LRRN1: variants seen among roughly 807,000 people sequenced by gnomAD.
The protein encoded by LRRN1 is leucine rich repeat neuronal 1, also known as leucine-rich repeat neuronal protein 1.
LRRN1 carries 14 observed loss-of-function variants against 45.8 expected under a neutral mutation model. The ratio of observed to expected loss-of-function variants is 0.31; its 90% CI spans 0.20 to 0.48. The LOEUF is 0.48. LRRN1 is among the 20% of genes least tolerant of loss of function. The pLI is 0.99. For synonymous variants in LRRN1, 359 were observed against 330.1 expected (o/e 1.09, Z -0.95); for missense variants, 789 against 874.2 (o/e 0.90, Z 1.23).
At chr3:3,813,324 A>T (rs1692919669) in intron 1 of LRRN1, among the ~76,000 whole-genome samples, 2 of 152,208 alleles carry the variant, frequency 1.3e-5, no homozygotes, top group Admixed American at 1.3e-4. Flanking sequence ...ATTATGGTTC[A>T]TAATATTAGA....
intron 1 of LRRN1, among the ~76,000 whole-genome samples, chr3:3,820,055 G>T (rs759161971): frequency 3.0e-5 from 3 of 98,796 alleles, no homozygotes; most frequent in Non-Finnish European, 1.9e-5. Flanking sequence ...ATTCTCTTTT[G>T]TTGTTGTTGT....
Position 3,847,987 on chromosome 3 carries a change from A to G in LRRN1, c.*1195A>G, listed in dbSNP as rs930046644. 3.3e-5 allele frequency among the ~76,000 whole-genome samples: 5 copies of G among 152,156 alleles called. No individual in the cohort carries two copies. The highest frequency in any genetic ancestry group is 1.2e-4 in the African/African-American group (5 of 41,428). On this transcript the variant is annotated 3_prime_UTR_variant, in exon 2 of 2. Coordinates refer to ENST00000319331, the MANE Select transcript of LRRN1 (RefSeq NM_020873.7). ...AACCTGTCACACACAATGCGTGTGT[A>G]TATATATATGAATATATTGGATATG...
intron 1 of LRRN1, among the ~76,000 whole-genome samples, chr3:3,826,750 GAGTC>G (rs1693225271): frequency 6.6e-6 from 1 of 152,098 alleles, no homozygotes; most frequent in Non-Finnish European, 1.5e-5. Context: ...AGAAATCTAA[GAGTC>G]AGAAAGGGTC....
intron 1 of LRRN1, among the ~76,000 whole-genome samples, chr3:3,813,661 A>G (rs539551608): frequency 7.2e-5 from 11 of 152,244 alleles, no homozygotes; most frequent in Admixed American, 2.6e-4. Context: ...CTCCAGTCCT[A>G]TATTTCCAAA....
chr3:3,819,025 A>G (rs1693046426), intron 1 of LRRN1, among the ~76,000 whole-genome samples: 1 of 151,726 alleles, frequency 6.6e-6, no homozygotes, highest in Admixed American at 6.6e-5. Flanking sequence ...CAAGAGTCTC[A>G]CTCTTTCACC....
intron 1 of LRRN1, among the ~76,000 whole-genome samples, chr3:3,806,689 A>C (rs754185431): frequency 2.0e-5 from 3 of 152,202 alleles, no homozygotes; most frequent in Non-Finnish European, 4.4e-5. Context: ...ACTGCCTCAT[A>C]TTTTAGAGCT....
Position 3,846,691 on chromosome 3 carries a change from C to G in LRRN1, c.2050C>G (p.Leu684Val). 3 of 1,613,992 alleles carry G rather than the reference C, an allele frequency of 1.9e-6. No individual in the cohort carries two copies. The highest frequency in any genetic ancestry group is 2.5e-6 in the Non-Finnish European group (3 of 1,180,006). The change falls in exon 2 of 2, where the codon CTC becomes GTC. Residue 684 changes from leucine to valine, a missense_variant. Coordinates refer to ENST00000319331, the MANE Select transcript of LRRN1 (RefSeq NM_020873.7). This position sits in a 1 kb window ranked among gnomAD's most constrained non-coding sequence, Gnocchi z 5.7. ...CCCACTAAATGAGCTGTACCCACCA[C>G]TCATTAACCTCTGGGAAGGTGACAG... The part of the protein sequence containing the change: ...SIPLNELYPP[L>V]INLWEGDSEK...
At position 3,847,084 on chromosome 3, in the gene LRRN1, G is replaced by C. The variant is rs1370033344; in HGVS notation, c.*292G>C. 4.7e-6 allele frequency: 1 copy of C among 214,966 alleles called. No individual in the cohort carries two copies. Among genetic ancestry groups the C allele is most frequent in the African/African-American group, 2.3e-5 (1 of 42,804 alleles). The allele number at this position is 214,966 out of a possible 1,614,324, so 13.3% of individuals were successfully genotyped here. Reference sequence around the variant, plus strand: ...TTGTTGTGCTAAACTCAATAATGCTGTTCTAACTACAGTGCTCAATAAAAT... The same window carrying C: ...TTGTTGTGCTAAACTCAATAATGCTCTTCTAACTACAGTGCTCAATAAAAT... On this transcript the variant is annotated 3_prime_UTR_variant, in exon 2 of 2. Transcript: ENST00000319331.
intron 1 of LRRN1, among the ~76,000 whole-genome samples, chr3:3,834,443 T>A (rs1250844552): frequency 1.4e-5 from 2 of 144,738 alleles, no homozygotes; most frequent in Non-Finnish European, 3.0e-5. Flanking sequence ...ATGAAAGAAC[T>A]CCATCCTTTA....
chr3:3,821,662 G>C (rs2106458643), intron 1 of LRRN1, among the ~76,000 whole-genome samples: 1 of 152,274 alleles, frequency 6.6e-6, no homozygotes, highest in Non-Finnish European at 1.5e-5. Flanking sequence ...TCAGAGTCTA[G>C]AGAAAAGGAT....
intron 1 of LRRN1, among the ~76,000 whole-genome samples, chr3:3,821,154 A>T (rs1422941561): frequency 6.6e-6 from 1 of 152,214 alleles, no homozygotes; most frequent in Non-Finnish European, 1.5e-5. Flanking sequence ...CAGATTCATG[A>T]ACAACTAAGT....
Position 3,846,328 on chromosome 3 carries a change from A to C in LRRN1, c.1687A>C (p.Ile563Leu). The change falls in exon 2 of 2, where the codon ATT (isoleucine) becomes CTT (leucine). Residue 563 changes from isoleucine (I) to leucine (L), a missense_variant. Coordinates refer to ENST00000319331, the MANE Select transcript of LRRN1 (RefSeq NM_020873.7). This position sits in a 1 kb window ranked among gnomAD's most constrained non-coding sequence, Gnocchi z 5.7. The stretch of plus-strand genomic sequence containing the variant: ...AAAATGGTCGTCTGCCACCATGAAG[A>C]TTGATAACCCTCACATAACATATAC... ...NLKWSSATMKIDNPHITYTAR... is the reference protein window; with the variant it reads ...NLKWSSATMKLDNPHITYTAR... 6.2e-7 allele frequency: 1 copy of C among 1,613,952 alleles called. No individual in the cohort carries two copies. Among genetic ancestry groups the C allele is most frequent in the South Asian group, 1.1e-5 (1 of 91,082 alleles).
intron 1 of LRRN1, among the ~76,000 whole-genome samples, chr3:3,814,662 G>A (rs1421601754): frequency 6.6e-6 from 1 of 152,184 alleles, no homozygotes; most frequent in East Asian, 1.9e-4. Flanking sequence ...TTATAAAAGA[G>A]ATTGAAGGGA....
rs879532869 is a variant in LRRN1, at chr3:3,848,345, A to C, written c.*1553A>C. 3.9e-5 allele frequency among the ~76,000 whole-genome samples: 6 copies of C among 152,196 alleles called. No individual in the cohort carries two copies. Among genetic ancestry groups the C allele is most frequent in the Non-Finnish European group, 7.3e-5 (5 of 68,030 alleles). On this transcript the variant is annotated 3_prime_UTR_variant, in exon 2 of 2. Coordinates refer to ENST00000319331, the MANE Select transcript of LRRN1 (RefSeq NM_020873.7). ...TGGAACTAGGTTTAGGTAGAAGGCC[A>C]GTTCCACAAAGGGCAGAGGGAGGGA...
Position 3,847,676 on chromosome 3 carries a change from C to A in LRRN1, c.*884C>A, listed in dbSNP as rs1693807394. On this transcript the variant is annotated 3_prime_UTR_variant, in exon 2 of 2. Transcript: ENST00000319331. ...TGCTAGTTGCAGTGGTAATATTTTT[C>A]ACATCCATAAAAACAACTACCAAAA... 6.0e-6 allele frequency: 1 copy of A among 166,802 alleles called. No homozygotes were observed. The highest frequency in any genetic ancestry group is 2.4e-5 in the African/African-American group (1 of 41,412). The allele number at this position is 166,802 out of a possible 1,614,324, so 10.3% of individuals were successfully genotyped here. A position where few individuals can be genotyped will look rare whatever the true frequency, so the allele number is the denominator to read the frequency against.
At chr3:3,834,664 C>T (rs1477799178) in intron 1 of LRRN1, among the ~76,000 whole-genome samples, 1 of 149,446 alleles carries the variant, frequency 6.7e-6, no homozygotes, top group Non-Finnish European at 1.5e-5. Context: ...CAAGGTCCCA[C>T]AATAGGCTAT....
intron 1 of LRRN1, among the ~76,000 whole-genome samples, chr3:3,820,142 G>A (rs184419763): frequency 2.3e-4 from 35 of 152,118 alleles, no homozygotes; most frequent in African/African-American, 8.4e-4. Context: ...ATATTAATTT[G>A]CCCTGCTAGT....
At chr3:3,810,465 T>A (rs1692850431) in intron 1 of LRRN1, among the ~76,000 whole-genome samples, 2 of 152,248 alleles carry the variant, frequency 1.3e-5, no homozygotes, top group Admixed American at 6.5e-5. Flanking sequence ...TCATCTTGTA[T>A]CTTGACCAAA....
At chr3:3,842,397 TTTAA>T (rs1693670088) in intron 1 of LRRN1, among the ~76,000 whole-genome samples, 1 of 151,834 alleles carries the variant, frequency 6.6e-6, no homozygotes, top group Non-Finnish European at 1.5e-5. Flanking sequence ...AGAATCTGGA[TTTAA>T]TTTTTTTTTT....
Sources: gnomAD v4.1 joint callset for allele counts (sites outside exome capture counted in the v4.1 genomes callset) on GRCh38, gnomAD v4.1.1 for gene constraint, Gnocchi (gnomAD v3.1) non-coding constraint, MANE v1.5 for transcripts, NCBI Gene and HGNC (gene_info 2026-07-23, HGNC 2026-07-21) for gene names.